Variants in SEC14L3 observed in about 807,000 individuals in gnomAD.
SEC14L3 encodes the protein SEC14 like lipid binding 3, also known as SEC14-like protein 3.
In SEC14L3, 56 loss-of-function variants were observed where a neutral mutation model predicts 57.4. That is an observed-to-expected ratio of 0.97 (90% CI 0.79 to 1.22). The LOEUF is 1.22. Ranked by LOEUF, SEC14L3 falls within the 50% of genes most tolerant of loss-of-function variation. The pLI, the probability that SEC14L3 is intolerant of heterozygous loss-of-function variation, is 0.00. For synonymous variants in SEC14L3, 173 were observed against 194.4 expected (o/e 0.89, Z 0.92); for missense variants, 485 against 511.7 (o/e 0.95, Z 0.50).
Position 30,459,844 on chromosome 22 carries a change from C to T in SEC14L3, c.*177G>A. 1 of 1,347,124 alleles carries T rather than the reference C, an allele frequency of 7.4e-7. No individual in the cohort carries two copies. The highest frequency in any genetic ancestry group is 2.0e-5 in the South Asian group (1 of 50,686). 83.4% of individuals were successfully genotyped at this position (1,347,124 alleles called of 1,614,324 possible). A position where few individuals can be genotyped will look rare whatever the true frequency, so the allele number is the denominator to read the frequency against. On this transcript the variant is annotated 3_prime_UTR_variant, in exon 12 of 12. Transcript: ENST00000215812. ...CTTGGTACCCTCCAAGGTTGTGCCT[C>T]TCATACCTTTCTTGATCTGACCACA... is the stretch of plus-strand genomic sequence containing the variant.
chr22:30,461,512 G>A (rs1935262381), intron 10 of SEC14L3, 33 bp from the exon 11 acceptor site: 1 of 1,613,530 alleles, frequency 6.2e-7, no homozygotes, highest in Non-Finnish European at 8.5e-7. Flanking sequence ...ACAGGTTGCT[G>A]CTCAGCCTGA....
intron 5 of SEC14L3, among the ~76,000 whole-genome samples, chr22:30,467,652 C>T (rs1935464040): frequency 6.6e-6 from 1 of 152,114 alleles, no homozygotes; most frequent in African/African-American, 2.4e-5. Context: ...GAGAAGGTAA[C>T]ATCTAAGTTT....
downstream of SEC14L3, among the ~76,000 whole-genome samples, chr22:30,457,070 C>G (rs2146093417): frequency 6.6e-6 from 1 of 152,340 alleles, no homozygotes; most frequent in East Asian, 1.9e-4. Flanking sequence ...TCCACACTCT[C>G]TACCTCAGAC....
intron 12 of SEC14L3, among the ~76,000 whole-genome samples, chr22:30,451,102 C>T (rs1232672454): frequency 6.6e-6 from 1 of 152,230 alleles, no homozygotes; most frequent in Admixed American, 6.5e-5. Flanking sequence ...TGGCTATTCC[C>T]ACACAGAGAA....
intron 12 of SEC14L3, among the ~76,000 whole-genome samples, chr22:30,450,760 G>A (rs1450742482): frequency 6.6e-6 from 1 of 152,180 alleles, no homozygotes; most frequent in Non-Finnish European, 1.5e-5. Flanking sequence ...CTGGAAGCTG[G>A]GTAATAGGGG....
rs1319622451 is a variant in SEC14L3 at position 30,459,307 on chromosome 22, T to C, written c.*714A>G. ...AGGAAAGTCCCTAAAACATAAGCTA[T>C]GTGCAACAAGGGAAGTGGGTTAGGG... On this transcript the variant is annotated 3_prime_UTR_variant, in exon 12 of 12. Coordinates refer to ENST00000215812, the MANE Select transcript of SEC14L3 (RefSeq NM_174975.5). 5.1e-6 allele frequency: 5 copies of C among 985,318 alleles called. No homozygotes were observed. The highest frequency in any genetic ancestry group is 6.1e-5 in the Admixed American group (1 of 16,264). 61.0% of individuals were successfully genotyped at this position (985,318 alleles called of 1,614,324 possible).
At chr22:30,452,704 T>C (rs1935011270) in intron 12 of SEC14L3, among the ~76,000 whole-genome samples, 1 of 138,184 alleles carries the variant, frequency 7.2e-6, no homozygotes, top group African/African-American at 2.5e-5. Context: ...TCTTCCTCTT[T>C]CTTTCTTTCT....
intron 8 of SEC14L3, among the ~76,000 whole-genome samples, chr22:30,463,440 A>C (rs1427127695): frequency 6.6e-6 from 1 of 152,232 alleles, no homozygotes; most frequent in Admixed American, 6.5e-5. Context: ...CCAAATGAGC[A>C]GAGTCACATG....
chr22:30,471,426 G>T (rs1417316191), intron 1 of SEC14L3: 1 of 383,612 alleles, frequency 2.6e-6, no homozygotes, highest in Admixed American at 3.5e-5. Context: ...TTAAAACATG[G>T]TTAATAATTA....
At chr22:30,470,465 T>G (rs1159183739) in intron 2 of SEC14L3, 42 bp downstream of exon 2, 1 of 1,613,152 alleles carries the variant, frequency 6.2e-7, no homozygotes, top group Admixed American at 1.7e-5. Flanking sequence ...CAGGCCCCTC[T>G]TGATGCCCCC....
downstream of SEC14L3, among the ~76,000 whole-genome samples, chr22:30,456,906 C>T (rs1014861492): frequency 3.9e-5 from 6 of 152,184 alleles, no homozygotes; most frequent in African/African-American, 4.8e-5. Flanking sequence ...TGGGCATCAG[C>T]GGATGCTGAT....
chr22:30,449,241 A>G (rs1934934087), exon 13 of SEC14L3: 1 of 1,550,444 alleles, frequency 6.4e-7, no homozygotes, highest in Admixed American at 2.0e-5. Flanking sequence ...CTCACTTTCC[A>G]CATCTGTAAA....
At chr22:30,468,414 GTGGT>G in intron 5 of SEC14L3, 90 bp downstream of exon 5, 1 of 886,434 alleles carries the variant, frequency 1.1e-6, no homozygotes, top group East Asian at 2.5e-5. Context: ...CCCTCTGACT[GTGGT>G]TGTAGAGAAC....
downstream of SEC14L3, among the ~76,000 whole-genome samples, chr22:30,454,740 T>G (rs1397604878): frequency 1.4e-5 from 1 of 71,982 alleles, no homozygotes; most frequent in Non-Finnish European, 2.3e-5. Flanking sequence ...TAATATATAA[T>G]AATATTATTA....
intron 12 of SEC14L3, among the ~76,000 whole-genome samples, chr22:30,451,994 A>AC (rs1934991623): frequency 7.0e-6 from 1 of 142,034 alleles, no homozygotes; most frequent in Non-Finnish European, 1.5e-5. Flanking sequence ...TCCATCTCAA[A>AC]AAAAAAAAAA....
chr22:30,459,829 TC>T lies in SEC14L3; in HGVS notation c.*191del. On this transcript the variant is annotated 3_prime_UTR_variant, in exon 12 of 12. Coordinates refer to ENST00000215812, the MANE Select transcript of SEC14L3 (RefSeq NM_174975.5). ...TTCCTCTTCTGCAACCTTGGTACCC[TC>T]CAAGGTTGTGCCTCTCATACCTTTC... 7.6e-7 allele frequency: 1 copy of T among 1,320,148 alleles called. No homozygotes were observed. The highest frequency in any genetic ancestry group is 9.7e-7 in the Non-Finnish European group (1 of 1,030,040). 81.8% of individuals were successfully genotyped at this position (1,320,148 alleles called of 1,614,324 possible). A position where few individuals can be genotyped will look rare whatever the true frequency, so the allele number is the denominator to read the frequency against.
At position 30,468,497 on chromosome 22, in the gene SEC14L3, C is replaced by CTGG. The variant is rs1935494913; in HGVS notation, c.423+8_423+10dup. On this transcript the variant is annotated intron_variant, in intron 5 of 11. Transcript: ENST00000215812. ...CCCCCAGCCATCCACCCCACCTGGC[C>CTGG]TGGACCTCACCCTCTCTGTCTGCAG... 1 of 1,603,210 alleles carries CTGG rather than the reference C, an allele frequency of 6.2e-7. No homozygotes were observed. Among genetic ancestry groups the CTGG allele is most frequent in the African/African-American group, 1.3e-5 (1 of 74,684 alleles).
chr22:30,455,198 TAAA>T (rs1935098001), downstream of SEC14L3, among the ~76,000 whole-genome samples: 4 of 122,002 alleles, frequency 3.3e-5, no homozygotes, highest in South Asian at 2.3e-4. Context: ...ATATATAATA[TAAA>T]TTAATATAAA....
intron 11 of SEC14L3, among the ~76,000 whole-genome samples, chr22:30,460,371 A>T (rs1012601662): frequency 6.6e-6 from 1 of 152,222 alleles, no homozygotes; most frequent in Non-Finnish European, 1.5e-5. Flanking sequence ...CTTTACTGGC[A>T]TCGAGAACAA....
Sources: allele counts gnomAD v4.1 joint callset (sites outside exome capture counted in the v4.1 genomes callset), GRCh38; gene constraint gnomAD v4.1.1; transcripts MANE v1.5; gene names NCBI Gene and HGNC (gene_info 2026-07-23, HGNC 2026-07-21).